ADAMTS9: variants seen among roughly 807,000 people sequenced by gnomAD.
ADAMTS9 encodes the protein A disintegrin and metalloproteinase with thrombospondin motifs 9.
Under a neutral mutation model 257.1 loss-of-function variants are expected in ADAMTS9, and 107 were observed. The ratio of observed to expected loss-of-function variants is 0.42; its 90% CI spans 0.36 to 0.49. ADAMTS9 has a LOEUF of 0.49. Among genes scored for constraint, ADAMTS9 ranks in the 20% least tolerant of loss-of-function variants. The probability of loss-of-function intolerance (pLI) is 0.03; values close to 1 mark genes in which losing one functional copy is unlikely to be tolerated. For missense variants in ADAMTS9, 2,353 were observed against 2,469.1 expected, an observed-to-expected ratio of 0.95 and a Z score of 1.00; for synonymous variants, 982 against 880.9, an observed-to-expected ratio of 1.11 and a Z score of -2.03.
intron 3 of ADAMTS9, among the ~76,000 whole-genome samples, chr3:64,669,653 C>T (rs1382480046): frequency 3.9e-5 from 6 of 152,028 alleles, no homozygotes. Context: ...ACAGAGATTC[C>T]CCCTGAGCCA....
Position 64,551,072 on chromosome 3 carries a change from A to G in ADAMTS9, c.4699-10T>C. On this transcript the variant is annotated splice_polypyrimidine_tract_variant and intron_variant, in intron 30 of 39. Transcript: ENST00000498707. The stretch of plus-strand genomic sequence containing the variant: ...CGCAGGTCTTGGTGCACTGTTAAAT[A>G]CAAGCAAAAGAGAAGAATAAACCGT... 1 of 1,613,800 alleles carries G rather than the reference A, an allele frequency of 6.2e-7. No homozygotes were observed.
chr3:64,586,712 TGA>T (rs1291620316), intron 28 of ADAMTS9: 1 of 152,158 alleles, frequency 6.6e-6, no homozygotes, highest in East Asian at 1.9e-4. Flanking sequence ...TTTTTCTTTT[TGA>T]CACTGTAGAC....
Position 64,658,348 on chromosome 3 carries a change from G to A in ADAMTS9, c.969+154C>T, listed in dbSNP as rs911884958. Among the ~76,000 whole-genome samples the A allele has an allele frequency of 4.6e-5, 7 of 152,108 alleles. No homozygotes were observed. The East Asian group carries it at 1.4e-3, about 29-fold the overall frequency. On this transcript the variant is annotated intron_variant, in intron 4 of 39. Transcript: ENST00000498707. ...ATAACCACTGTTGTCAGTTTAAAAA[G>A]GCAACCAACAAATAATCTTATGTTC...
At position 64,604,316 on chromosome 3, in the gene ADAMTS9, A is replaced by C. The variant is rs375980767; in HGVS notation, c.3490T>G (p.Ser1164Ala). The C allele has an allele frequency of 6.2e-7, 1 of 1,611,228 alleles. No homozygotes were observed. The change falls in exon 24 of 40, where the codon TCA becomes GCA. Residue 1164 changes from serine to alanine, a missense_variant. Ser to Ala is a moderately conservative substitution (Grantham distance 99). Coordinates refer to ENST00000498707, the MANE Select transcript of ADAMTS9 (RefSeq NM_182920.2). ...PTDTQDCELPSCHPPPAAPET... is the reference protein window; with the variant it reads ...PTDTQDCELPACHPPPAAPET... ...GGGGCAGCTGGGGGAGGATGACATGATGGTAATTCACAGTCCTAGACGTGA... is the reference window on the plus strand; with the variant it reads ...GGGGCAGCTGGGGGAGGATGACATGCTGGTAATTCACAGTCCTAGACGTGA...
chr3:64,598,399 C>A (rs2084402675), intron 26 of ADAMTS9, among the ~76,000 whole-genome samples: 1 of 151,046 alleles, frequency 6.6e-6, no homozygotes, highest in Admixed American at 6.6e-5. Context: ...GTTACTACGG[C>A]CTCAACCTCT....
rs1408813799 is a variant in ADAMTS9, at chr3:64,631,906, A to G, written c.2195T>C (p.Val732Ala). Reference protein sequence around the residue: ...GLCRQAGCDHVLNSKARRDKC... With the variant: ...GLCRQAGCDHALNSKARRDKC... Reference sequence around the variant, plus strand: ...ATCTCTCCGGGCTTTTGAGTTTAAAACATGATCGCATCCAGCTTGCTTTTA... The same window carrying G: ...ATCTCTCCGGGCTTTTGAGTTTAAAGCATGATCGCATCCAGCTTGCTTTTA... Residue 732 changes from valine to alanine, a missense_variant, in exon 15 of 40, where the codon GTT becomes GCT. Physicochemically the swap from Val to Ala is moderately conservative, Grantham distance 64. This residue lies in a region of ADAMTS9 where 360 missense variants were observed against 458.1 expected (regional missense o/e 0.79). Transcript: ENST00000498707. 6.2e-7 allele frequency: 1 copy of G among 1,613,690 alleles called. No homozygotes were observed. The highest frequency in any genetic ancestry group is 1.3e-5 in the African/African-American group (1 of 74,908).
chr3:64,678,342 G>A (rs1441205614), intron 3 of ADAMTS9, among the ~76,000 whole-genome samples: 5 of 152,190 alleles, frequency 3.3e-5, no homozygotes, highest in African/African-American at 1.2e-4. Context: ...GATGTAGAAA[G>A]TCAAGTCCAC....
At chr3:64,653,313 G>C (rs572051021) in intron 8 of ADAMTS9, among the ~76,000 whole-genome samples, 19 of 152,296 alleles carry the variant, frequency 1.2e-4, no homozygotes, top group Non-Finnish European at 2.5e-4. Flanking sequence ...TAAGCAGGTT[G>C]GGCCTGCCAC....
intron 22 of ADAMTS9, among the ~76,000 whole-genome samples, chr3:64,607,695 G>A (rs1376601040): frequency 3.3e-5 from 5 of 152,150 alleles, no homozygotes; most frequent in African/African-American, 1.2e-4. Flanking sequence ...TCCCTCCACT[G>A]AAGCAACTGT....
At chr3:64,601,251 T>G (rs1485410001) in intron 26 of ADAMTS9, among the ~76,000 whole-genome samples, 1 of 152,198 alleles carries the variant, frequency 6.6e-6, no homozygotes, top group Non-Finnish European at 1.5e-5. Flanking sequence ...ATCATCTTAT[T>G]TAATTCTTAC....
intron 38 of ADAMTS9, among the ~76,000 whole-genome samples, chr3:64,532,809 C>T (rs533443157): frequency 7.7e-4 from 117 of 152,306 alleles, no homozygotes; most frequent in African/African-American, 2.6e-3. Flanking sequence ...CATTTCCCCT[C>T]GGTTCATAGA....
intron 29 of ADAMTS9, among the ~76,000 whole-genome samples, chr3:64,564,324 GA>G (rs1254073729): frequency 6.6e-6 from 1 of 152,140 alleles, no homozygotes; most frequent in African/African-American, 2.4e-5. Context: ...TTTCCATAGA[GA>G]GAAAGAATCT....
chr3:64,685,562 G>T (rs1383766876), intron 2 of ADAMTS9, among the ~76,000 whole-genome samples: 3 of 152,208 alleles, frequency 2.0e-5, no homozygotes, highest in Non-Finnish European at 4.4e-5. Context: ...GAACCGTACC[G>T]CAGCGACTCC....
Position 64,524,734 on chromosome 3 carries a change from A to G in ADAMTS9, c.5719-2474T>C, listed in dbSNP as rs9809120. ...AAGACTAAAATCTTTACTATCTGGC[A>G]CTTTGTAGACAAAGTATGCCAACTC... is the stretch of plus-strand genomic sequence containing the variant. On this transcript the variant is annotated intron_variant, in intron 38 of 39. Transcript: ENST00000498707. 7.5e-4 allele frequency among the ~76,000 whole-genome samples: 114 copies of G among 152,328 alleles called. 1 individual carries two copies. The highest frequency in any genetic ancestry group is 2.6e-3 in the African/African-American group (110 of 41,570).
At chr3:64,675,915 T>C (rs573620050) in intron 3 of ADAMTS9, among the ~76,000 whole-genome samples, 4 of 152,322 alleles carry the variant, frequency 2.6e-5, no homozygotes, top group South Asian at 2.1e-4. Flanking sequence ...GCCTAACAGA[T>C]GATGGCTTTA....
chr3:64,654,476 A>C lies in ADAMTS9; in HGVS notation c.1211-18T>G, dbSNP rs374061021. ...AGCCAGGCCTATTAGAAGGAAAAAA[A>C]CCAACAAGGATTTACTCTAAAAAGC... On this transcript the variant is annotated intron_variant, in intron 7 of 39. Transcript: ENST00000498707. 1.2e-4 allele frequency: 187 copies of C among 1,613,274 alleles called. No individual in the cohort carries two copies. The highest frequency in any genetic ancestry group is 1.3e-4 in the Non-Finnish European group (153 of 1,179,744).
At chr3:64,651,753 G>A (rs1700937081) in intron 8 of ADAMTS9, among the ~76,000 whole-genome samples, 1 of 152,180 alleles carries the variant, frequency 6.6e-6, no homozygotes, top group African/African-American at 2.4e-5. Flanking sequence ...ATGGAAACCA[G>A]AAGCATGCCA....
chr3:64,526,706 T>C (rs982773036), intron 38 of ADAMTS9, among the ~76,000 whole-genome samples: 3 of 152,330 alleles, frequency 2.0e-5, no homozygotes, highest in African/African-American at 2.4e-5. Flanking sequence ...GAGCTTGTAC[T>C]ACATCTTGAA....
intron 19 of ADAMTS9, among the ~76,000 whole-genome samples, chr3:64,619,315 T>C (rs550106273): frequency 1.3e-5 from 2 of 152,210 alleles, no homozygotes; most frequent in Non-Finnish European, 2.9e-5. Context: ...AAAAAACTCA[T>C]GGGAATTATT....
Sources: allele counts gnomAD v4.1 joint callset (sites outside exome capture counted in the v4.1 genomes callset), GRCh38; gene constraint gnomAD v4.1.1; regional missense constraint gnomAD v4.1.1; transcripts MANE v1.5; gene names NCBI Gene and HGNC (gene_info 2026-07-23, HGNC 2026-07-21).